ASTN2: variants seen among roughly 807,000 people sequenced by gnomAD.
ASTN2 encodes the protein astrotactin 2, also known as astrotactin-2.
In ASTN2, 54 loss-of-function variants were observed where a neutral mutation model predicts 139.8. The ratio of observed to expected loss-of-function variants is 0.39; its 90% CI spans 0.31 to 0.48. The LOEUF is 0.48. ASTN2 is among the 20% of genes least tolerant of loss of function. The pLI is 0.95. For missense variants in ASTN2, 1,565 were observed against 1,725.1 expected (o/e 0.91, Z 1.64); for synonymous variants, 756 against 719.5 (o/e 1.05, Z -0.81).
rs572119788 is a variant in ASTN2, at chr9:116,863,163, A to G, written c.2040+420T>C. Among the ~76,000 whole-genome samples, 168 of 152,226 alleles carry G rather than the reference A, an allele frequency of 1.1e-3. 1 individual carries two copies. Among genetic ancestry groups the G allele is most frequent in the Non-Finnish European group, 2.1e-3 (143 of 68,026 alleles). On this transcript the variant is annotated intron_variant, in intron 11 of 22. Coordinates refer to ENST00000313400, the MANE Select transcript of ASTN2 (RefSeq NM_001365068.1). Reference sequence around the variant, plus strand: ...AACGTCCCAAGGAAGCCTTCTACGAAACTGAGGTCCCAGCTGAAACTTTCT... The same window carrying G: ...AACGTCCCAAGGAAGCCTTCTACGAGACTGAGGTCCCAGCTGAAACTTTCT...
chr9:116,890,131 G>C (rs914436102), intron 10 of ASTN2, among the ~76,000 whole-genome samples: 2 of 152,174 alleles, frequency 1.3e-5, no homozygotes, highest in African/African-American at 4.8e-5. Flanking sequence ...AACCAGGCAG[G>C]GGGAGCGAGA....
At chr9:116,988,832 G>A (rs1164252386) in intron 7 of ASTN2, among the ~76,000 whole-genome samples, 1 of 152,082 alleles carries the variant, frequency 6.6e-6, no homozygotes, top group African/African-American at 2.4e-5. Flanking sequence ...CCACTTCATG[G>A]GATCCTGGAG....
intron 19 of ASTN2, among the ~76,000 whole-genome samples, chr9:116,588,227 TAAG>T (rs764402528): frequency 1.2e-3 from 187 of 152,328 alleles, no homozygotes; most frequent in Non-Finnish European, 2.0e-3. Flanking sequence ...CAGCTCTGCT[TAAG>T]AAGAACTTAA....
At chr9:116,843,311 C>T (rs1226512018) in intron 11 of ASTN2, among the ~76,000 whole-genome samples, 1 of 152,126 alleles carries the variant, frequency 6.6e-6, no homozygotes, top group Non-Finnish European at 1.5e-5. Context: ...GGCCATTATC[C>T]TAAGCTAATT....
At chr9:116,968,102 A>G (rs1035170236) in intron 10 of ASTN2, among the ~76,000 whole-genome samples, 1 of 152,214 alleles carries the variant, frequency 6.6e-6, no homozygotes, top group Non-Finnish European at 1.5e-5. Flanking sequence ...TAACCACCGT[A>G]TGAGAAAAAC....
At chr9:116,701,182 C>T (rs1415368939) in intron 16 of ASTN2, 1 of 167,012 alleles carries the variant, frequency 6.0e-6, no homozygotes, top group Admixed American at 6.5e-5. Context: ...TTGATGTAAA[C>T]AAAATTTGCT....
At chr9:117,362,146 G>C (rs532863644) in intron 1 of ASTN2, among the ~76,000 whole-genome samples, 1 of 152,202 alleles carries the variant, frequency 6.6e-6, no homozygotes, top group Non-Finnish European at 1.5e-5. Flanking sequence ...AGCTAATTTT[G>C]AAGTTTTAAT....
At chr9:116,828,733 A>C (rs968022414) in intron 11 of ASTN2, among the ~76,000 whole-genome samples, 1 of 152,208 alleles carries the variant, frequency 6.6e-6, no homozygotes, top group Non-Finnish European at 1.5e-5. Context: ...AAAAATTAAA[A>C]GTTATCCAAG....
Position 117,306,296 on chromosome 9 carries a change from G to C in ASTN2, c.443-14783C>G, listed in dbSNP as rs376423055. Among the ~76,000 whole-genome samples, 62 of 152,258 alleles carry C rather than the reference G, an allele frequency of 4.1e-4. 1 individual carries two copies. The highest frequency in any genetic ancestry group is 7.5e-4 in the Non-Finnish European group (51 of 68,034). On this transcript the variant is annotated intron_variant, in intron 1 of 22. Coordinates refer to ENST00000313400, the MANE Select transcript of ASTN2 (RefSeq NM_001365068.1). ...GGAAGCTTTTGGGCATAATTTTCCT[G>C]GGTCTCCACTTCTCATTTAGAGTCA...
chr9:116,959,966 C>T (rs759094052), intron 10 of ASTN2, among the ~76,000 whole-genome samples: 1 of 152,126 alleles, frequency 6.6e-6, no homozygotes, highest in Non-Finnish European at 1.5e-5. Flanking sequence ...GCTGCGCTCC[C>T]GTTGCCATGG....
At chr9:116,719,597 T>C (rs912308182) in intron 16 of ASTN2, among the ~76,000 whole-genome samples, 4 of 152,094 alleles carry the variant, frequency 2.6e-5, no homozygotes, top group African/African-American at 9.7e-5. Context: ...ACTAGAATGA[T>C]AGCAAATATC....
intron 19 of ASTN2, among the ~76,000 whole-genome samples, chr9:116,596,002 C>T (rs1021904148): frequency 4.6e-5 from 7 of 152,152 alleles, no homozygotes; most frequent in African/African-American, 1.7e-4. Context: ...GCATTATACA[C>T]AGTAGCCAAG....
intron 17 of ASTN2, among the ~76,000 whole-genome samples, chr9:116,626,749 T>C (rs958061219): frequency 6.6e-6 from 1 of 152,132 alleles, no homozygotes; most frequent in African/African-American, 2.4e-5. Flanking sequence ...TGGGGAAACA[T>C]ATATTGTAAG....
chr9:116,516,069 C>T (rs1448348399), intron 19 of ASTN2, among the ~76,000 whole-genome samples: 5 of 152,102 alleles, frequency 3.3e-5, no homozygotes, highest in African/African-American at 1.2e-4. Context: ...TAATAATTTC[C>T]CTTATTTTAT....
intron 11 of ASTN2, among the ~76,000 whole-genome samples, chr9:116,838,229 C>T (rs1832075418): frequency 6.6e-6 from 1 of 151,698 alleles, no homozygotes; most frequent in South Asian, 2.1e-4. Context: ...CCTGCCCAAG[C>T]CTCCTGAGTA....
intron 1 of ASTN2, among the ~76,000 whole-genome samples, chr9:117,327,829 A>T (rs1374173843): frequency 6.6e-6 from 1 of 152,208 alleles, no homozygotes; most frequent in Admixed American, 6.5e-5. Flanking sequence ...TAAATAAAGC[A>T]ATCATTCAAC....
intron 3 of ASTN2, 134 bp from the exon 4 acceptor site, chr9:117,141,612 A>C: frequency 6.2e-6 from 4 of 645,748 alleles, no homozygotes; most frequent in East Asian, 1.5e-4. Context: ...ATTCCTTGAA[A>C]CTCCCTCCCT....
At chr9:117,246,518 C>G (rs1397047182) in intron 2 of ASTN2, among the ~76,000 whole-genome samples, 4 of 152,176 alleles carry the variant, frequency 2.6e-5, no homozygotes, top group African/African-American at 7.2e-5. Context: ...GAGAATCAAA[C>G]AGTTAATGTG....
chr9:116,627,834 A>G (rs556557917), intron 17 of ASTN2, among the ~76,000 whole-genome samples: 1 of 148,146 alleles, frequency 6.8e-6, no homozygotes, highest in African/African-American at 2.5e-5. Flanking sequence ...GCACTGTTCT[A>G]GGTTCTTTTT....
Sources: gnomAD v4.1 joint callset for allele counts (sites outside exome capture counted in the v4.1 genomes callset) on GRCh38, gnomAD v4.1.1 for gene constraint, MANE v1.5 for transcripts, NCBI Gene and HGNC (gene_info 2026-07-23, HGNC 2026-07-21) for gene names.